Variants in ALPK3 observed in about 807,000 individuals in gnomAD.
ALPK3 encodes alpha-protein kinase 3.
A neutral mutation model predicts 140.0 loss-of-function variants in ALPK3; 102 were observed. That is an observed-to-expected ratio of 0.73 (90% CI 0.62 to 0.86). The LOEUF is 0.86. Ranked by LOEUF, ALPK3 falls within the 40% of genes least tolerant of loss-of-function variation. The pLI is 0.00. For missense variants in ALPK3, 2,254 were observed against 2,208.2 expected (o/e 1.02, Z -0.42); for synonymous variants, 938 against 898.5 (o/e 1.04, Z -0.79).
Position 84,857,017 on chromosome 15 carries a change from C to T in ALPK3, c.2279C>T (p.Pro760Leu), listed in dbSNP as rs1370515564. ...AATATTGAATGTTTTGTACAGACCCCAGAAGGGTCTTGTTTCCCAAAAAAA... is the reference window on the plus strand; with the variant it reads ...AATATTGAATGTTTTGTACAGACCCTAGAAGGGTCTTGTTTCCCAAAAAAA... The part of the protein sequence containing the change: ...PLNIECFVQT[P>L]EGSCFPKKPG... Residue 760 changes from proline (P) to leucine (L), a missense_variant, in exon 6 of 14, where the codon CCA becomes CTA. By Grantham distance (98) the Pro-to-Leu change is moderately conservative. Transcript: ENST00000258888. 2 of 1,614,000 alleles carry T rather than the reference C, an allele frequency of 1.2e-6. No individual in the cohort carries two copies. The highest frequency in any genetic ancestry group is 3.3e-5 in the Admixed American group (2 of 59,994).
intron 1 of ALPK3, among the ~76,000 whole-genome samples, chr15:84,819,885 G>T (rs760475321): frequency 6.6e-6 from 1 of 152,224 alleles, no homozygotes; most frequent in Admixed American, 6.5e-5. Context: ...AGAGGCCTTG[G>T]TGGATGGCCC....
Position 84,840,702 on chromosome 15 carries a change from A to C in ALPK3, c.1423A>C (p.Thr475Pro). ...CACACACTCCTTGACCCCCCAGCCG[A>C]CTAGGCCTTTCAACAGAAAGAGATT... ...QPTHSLTPQP[T>P]RPFNRKRFAP... Residue 475 changes from threonine to proline, a missense_variant, in exon 5 of 14, where the codon ACT becomes CCT. Physicochemically the swap from Thr to Pro is conservative, Grantham distance 38 (BLOSUM62 -1). Transcript: ENST00000258888. 1 of 1,612,014 alleles carries C rather than the reference A, an allele frequency of 6.2e-7. No individual in the cohort carries two copies. The highest frequency in any genetic ancestry group is 8.5e-7 in the Non-Finnish European group (1 of 1,178,920).
chr15:84,859,558 T>C (rs564248577), intron 7 of ALPK3, among the ~76,000 whole-genome samples, 168 bp downstream of exon 7: 79 of 152,340 alleles, frequency 5.2e-4, no homozygotes, highest in African/African-American at 1.8e-3. Context: ...CAGCATTCTT[T>C]AAGCCACTTG....
intron 7 of ALPK3, 85 bp from the exon 8 acceptor site, chr15:84,859,691 C>A: frequency 6.8e-7 from 1 of 1,479,576 alleles, no homozygotes; most frequent in Non-Finnish European, 8.9e-7. Flanking sequence ...TTCACAGCAG[C>A]CTCTGAGAGT....
At chr15:84,855,003 G>A (rs1312474160) in intron 5 of ALPK3, among the ~76,000 whole-genome samples, 2 of 152,156 alleles carry the variant, frequency 1.3e-5, no homozygotes, top group African/African-American at 4.8e-5. Flanking sequence ...GGGCTTGTGG[G>A]AACAATATTC....
intron 3 of ALPK3, among the ~76,000 whole-genome samples, chr15:84,833,959 G>T (rs533620846): frequency 1.6e-5 from 2 of 128,898 alleles, no homozygotes; most frequent in Admixed American, 7.7e-5. Context: ...ATTCTGTGTT[G>T]TGTGTGTGTG....
intron 4 of ALPK3, among the ~76,000 whole-genome samples, chr15:84,839,496 A>G (rs1963631377): frequency 6.6e-6 from 1 of 152,198 alleles, no homozygotes; most frequent in African/African-American, 2.4e-5. Context: ...GGCCTTGGTC[A>G]GCCGCCACCT....
chr15:84,844,595 G>A (rs775593074), intron 5 of ALPK3, among the ~76,000 whole-genome samples: 3 of 152,190 alleles, frequency 2.0e-5, no homozygotes, highest in South Asian at 2.1e-4. Flanking sequence ...AGTGGTTCAC[G>A]CCTGTAATCC....
intron 5 of ALPK3, among the ~76,000 whole-genome samples, chr15:84,843,947 T>C (rs932324023): frequency 2.0e-5 from 3 of 152,016 alleles, no homozygotes; most frequent in African/African-American, 7.3e-5. Context: ...ATATAAGAAT[T>C]AGGCCAGGCA....
intron 3 of ALPK3, among the ~76,000 whole-genome samples, chr15:84,830,389 T>C (rs559359262): frequency 1.3e-5 from 2 of 152,324 alleles, no homozygotes; most frequent in South Asian, 4.1e-4. Flanking sequence ...TTTTGCGTTA[T>C]TGAATACTGC....
At position 84,817,525 on chromosome 15, in the gene ALPK3, G is replaced by A; in HGVS notation, c.73G>A (p.Asp25Asn). Reference sequence around the variant, plus strand: ...GTCGGGGGCGGGGGGCGACGGTGAGGACGACGGCCCCGTGTGGATCCCCAG... The same window carrying A: ...GTCGGGGGCGGGGGGCGACGGTGAGAACGACGGCCCCGTGTGGATCCCCAG... ...GRSGAGGDGE[D>N]DGPVWIPSPA... The change falls in exon 1 of 14, where the codon GAC becomes AAC. Residue 25 changes from aspartate (D) to asparagine (N), a missense_variant. Physicochemically the swap from Asp to Asn is conservative, Grantham distance 23 (BLOSUM62 1). Transcript: ENST00000258888. 6.7e-7 allele frequency: 1 copy of A among 1,487,760 alleles called. No homozygotes were observed. The highest frequency in any genetic ancestry group is 8.9e-7 in the Non-Finnish European group (1 of 1,125,720). The allele number at this position is 1,487,760 out of a possible 1,614,324, so 92.2% of individuals were successfully genotyped here.
At chr15:84,865,117 G>A (rs112084870) in intron 12 of ALPK3, among the ~76,000 whole-genome samples, 3 of 152,094 alleles carry the variant, frequency 2.0e-5, no homozygotes, top group African/African-American at 7.2e-5. Flanking sequence ...TTAGCTTTTC[G>A]TTATGTAAAG....
chr15:84,858,141 C>T lies in ALPK3; in HGVS notation c.3403C>T (p.Gln1135Ter), dbSNP rs1963891333. ...GQGPSAESIA[Q>*]EPSQEEKFPG... ...GGGGCCCTCAGCAGAGAGCATAGCC[C>T]AGGAGCCCTCCCAAGAGGAGAAGTT... The change falls in exon 6 of 14, where the codon CAG (glutamine) becomes TAG (stop). Residue 1135 changes from glutamine (Q) to a stop codon, truncating the protein, a stop_gained. Transcript: ENST00000258888. LOFTEE classifies it high-confidence loss of function. The T allele has an allele frequency of 4.4e-6, 7 of 1,603,032 alleles. No individual in the cohort carries two copies. Among genetic ancestry groups the T allele is most frequent in the Non-Finnish European group, 5.1e-6 (6 of 1,175,652 alleles).
intron 5 of ALPK3, among the ~76,000 whole-genome samples, chr15:84,854,797 A>C (rs967484104): frequency 6.6e-6 from 1 of 152,172 alleles, no homozygotes; most frequent in Non-Finnish European, 1.5e-5. Context: ...CAGGGCATAG[A>C]ACATTGACAT....
chr15:84,857,600 T>C lies in ALPK3; in HGVS notation c.2862T>C (p.Pro954=). Residue 954 remains proline (P), a synonymous_variant, in exon 6 of 14, where the codon CCT becomes CCC. Coordinates refer to ENST00000258888, the MANE Select transcript of ALPK3 (RefSeq NM_020778.5). ...GRTPGPRSCD[P]GLIDSLKNYL... is the part of the protein sequence containing the mutation. ...CCCCAGGTCCCCGGAGCTGTGACCC[T>C]GGCCTCATAGATTCCCTGAAGAACT... The C allele has an allele frequency of 6.3e-7, 1 of 1,575,402 alleles. No individual in the cohort carries two copies. The highest frequency in any genetic ancestry group is 2.3e-5 in the East Asian group (1 of 44,416).
intron 5 of ALPK3, among the ~76,000 whole-genome samples, chr15:84,842,226 G>A (rs1052435364): frequency 6.6e-6 from 1 of 152,214 alleles, no homozygotes; most frequent in Non-Finnish European, 1.5e-5. Context: ...TAGAGACAGG[G>A]TTTTGCTGTG....
At position 84,840,858 on chromosome 15, in the gene ALPK3, C is replaced by A. The variant is rs369948504; in HGVS notation, c.1579C>A (p.Pro527Thr). 6.2e-7 allele frequency: 1 copy of A among 1,613,972 alleles called. No homozygotes were observed. The highest frequency in any genetic ancestry group is 2.2e-5 in the East Asian group (1 of 44,882). The change falls in exon 5 of 14, where the codon CCC becomes ACC. Residue 527 changes from proline to threonine, a missense_variant. By Grantham distance (38) the Pro-to-Thr change is conservative. This residue lies in a region of ALPK3 where 2,088 missense variants were observed against 2,022.9 expected (regional missense o/e 1.03). Coordinates refer to ENST00000258888, the MANE Select transcript of ALPK3 (RefSeq NM_020778.5). ...TCAGGCCTCTGTGCAGGTGCCGACG[C>A]CCCCTGCCCGGCGGAGACATGGCAC... ...PPQASVQVPT[P>T]PARRRHGTRD...
chr15:84,839,922 A>G lies in ALPK3; in HGVS notation c.643A>G (p.Lys215Glu), dbSNP rs1386076956. The change falls in exon 5 of 14, where the codon AAG becomes GAG. Residue 215 changes from lysine (K) to glutamate (E), a missense_variant. Physicochemically the swap from Lys to Glu is moderately conservative, Grantham distance 56. Coordinates refer to ENST00000258888, the MANE Select transcript of ALPK3 (RefSeq NM_020778.5). ...GCCTGGGGAGGTCGACACTCTGCGC[A>G]AGCTCAGCCCCGACCGCTTCCAGCG... Reference protein sequence around the residue: ...AVPGEVDTLRKLSPDRFQRKR... With the variant: ...AVPGEVDTLRELSPDRFQRKR... 6.2e-7 allele frequency: 1 copy of G among 1,613,928 alleles called. No homozygotes were observed. The highest frequency in any genetic ancestry group is 8.5e-7 in the Non-Finnish European group (1 of 1,179,980).
In ALPK3 at chr15:84,868,601, G is replaced by A. The variant is rs922337505; in HGVS notation, c.*145G>A. On this transcript the variant is annotated 3_prime_UTR_variant, in exon 14 of 14. Transcript: ENST00000258888. ...TGGGGACCTCTCTGAGCAGGCTCTC[G>A]TGAATCAGCTCGTCATCAGATGGCT... The A allele has an allele frequency of 2.0e-5, 16 of 787,064 alleles. No homozygotes were observed. Among genetic ancestry groups the A allele is most frequent in the South Asian group, 9.4e-5 (5 of 53,284 alleles). 48.8% of individuals were successfully genotyped at this position (787,064 alleles called of 1,614,324 possible). A position where few individuals can be genotyped will look rare whatever the true frequency, so the allele number is the denominator to read the frequency against.
Sources: gnomAD v4.1 joint callset for allele counts (sites outside exome capture counted in the v4.1 genomes callset) on GRCh38, gnomAD v4.1.1 for gene constraint, gnomAD v4.1.1 regional missense constraint, MANE v1.5 for transcripts, NCBI Gene and HGNC (gene_info 2026-07-23, HGNC 2026-07-21) for gene names.